KCND2: variants seen among roughly 807,000 people sequenced by gnomAD.
KCND2 encodes A-type voltage-gated potassium channel KCND2.
In KCND2, 16 loss-of-function variants were observed where a neutral mutation model predicts 54.4. That is an observed-to-expected ratio of 0.29 (90% CI 0.20 to 0.45). The LOEUF (loss-of-function observed/expected upper bound fraction) is 0.45. KCND2 is among the 20% of genes least tolerant of loss of function. KCND2 has a pLI of 1.00. For missense variants in KCND2, 486 were observed against 824.2 expected (o/e 0.59, Z 5.02); for synonymous variants, 317 against 310.7 (o/e 1.02, Z -0.21).
chr7:120,328,808 A>G (rs565892491), intron 1 of KCND2, among the ~76,000 whole-genome samples: 3 of 152,254 alleles, frequency 2.0e-5, no homozygotes, highest in African/African-American at 7.2e-5. Flanking sequence ...TTAGTTATAT[A>G]TTCTTGATTG....
chr7:120,431,076 A>C (rs1801782422), intron 1 of KCND2, among the ~76,000 whole-genome samples: 1 of 152,206 alleles, frequency 6.6e-6, no homozygotes, highest in South Asian at 2.1e-4. Flanking sequence ...TGCAGCTTTA[A>C]AACATCAGCT....
At chr7:120,489,127 A>G (rs1310179157) in intron 1 of KCND2, among the ~76,000 whole-genome samples, 1 of 152,090 alleles carries the variant, frequency 6.6e-6, no homozygotes, top group Non-Finnish European at 1.5e-5. Context: ...CCCATTCAGA[A>G]TAGTTTATAT....
intron 1 of KCND2, among the ~76,000 whole-genome samples, chr7:120,402,268 A>G (rs1047194250): frequency 3.0e-4 from 46 of 152,096 alleles, no homozygotes; most frequent in African/African-American, 1.1e-3. Flanking sequence ...GATGAAAGGA[A>G]CTTAAATTAA....
intron 4 of KCND2, among the ~76,000 whole-genome samples, chr7:120,744,357 C>T (rs1792979316): frequency 6.6e-6 from 1 of 151,978 alleles, no homozygotes; most frequent in South Asian, 2.1e-4. Flanking sequence ...TCAAAAATCA[C>T]TAACACCAAC....
chr7:120,605,697 T>G (rs775641926), intron 1 of KCND2, among the ~76,000 whole-genome samples: 5 of 152,198 alleles, frequency 3.3e-5, no homozygotes. Flanking sequence ...AATGTGTGAG[T>G]GTTCCATTTC....
In KCND2 at chr7:120,603,605, T is replaced by G. The variant is rs1178490824; in HGVS notation, c.1116-129298T>G. On this transcript the variant is annotated intron_variant, in intron 1 of 5. Coordinates refer to ENST00000331113, the MANE Select transcript of KCND2 (RefSeq NM_012281.3). ...TAAAGGTCAGCAATGAGATAGGCAT[T>G]GGATCAAATCCTAGCCCTACACTTA... is the stretch of plus-strand genomic sequence containing the variant. 2.6e-5 allele frequency among the ~76,000 whole-genome samples: 4 copies of G among 152,188 alleles called. No homozygotes were observed. The East Asian group carries it at 5.8e-4, about 22-fold the overall frequency.
At chr7:120,574,861 C>T (rs1036655784) in intron 1 of KCND2, among the ~76,000 whole-genome samples, 1 of 151,960 alleles carries the variant, frequency 6.6e-6, no homozygotes, top group African/African-American at 2.4e-5. Flanking sequence ...TGGTTTTCAG[C>T]TATTTTTACA....
chr7:120,455,917 A>T (rs978191085), intron 1 of KCND2, among the ~76,000 whole-genome samples: 4 of 152,198 alleles, frequency 2.6e-5, no homozygotes, highest in Admixed American at 2.6e-4. Flanking sequence ...TGTGACGTGC[A>T]GTTTACCTAT....
At chr7:120,612,145 G>T (rs1237543890) in intron 1 of KCND2, among the ~76,000 whole-genome samples, 4 of 149,226 alleles carry the variant, frequency 2.7e-5, no homozygotes, top group Non-Finnish European at 6.0e-5. Context: ...CAGATAGAGA[G>T]CTATTGCATC....
intron 1 of KCND2, among the ~76,000 whole-genome samples, chr7:120,536,863 T>A (rs940611684): frequency 2.6e-5 from 4 of 152,206 alleles, no homozygotes; most frequent in Non-Finnish European, 5.9e-5. Flanking sequence ...TTTAATTATT[T>A]TTGTCAGATC....
At chr7:120,323,183 T>C (rs1799918614) in intron 1 of KCND2, among the ~76,000 whole-genome samples, 1 of 152,116 alleles carries the variant, frequency 6.6e-6, no homozygotes, top group Admixed American at 6.6e-5. Flanking sequence ...TGTGTGATGT[T>C]CTCCTACCTG....
intron 1 of KCND2, among the ~76,000 whole-genome samples, chr7:120,427,140 G>A (rs1254128241): frequency 6.6e-6 from 1 of 152,146 alleles, no homozygotes; most frequent in Non-Finnish European, 1.5e-5. Flanking sequence ...CTTCCTTACA[G>A]TTTGTTTCAT....
intron 1 of KCND2, among the ~76,000 whole-genome samples, chr7:120,407,131 G>A (rs1027391341): frequency 2.0e-5 from 3 of 151,910 alleles, no homozygotes; most frequent in African/African-American, 7.2e-5. Flanking sequence ...GAAACTCCAA[G>A]AGGAAGACAG....
chr7:120,444,734 T>A (rs1180409548), intron 1 of KCND2, among the ~76,000 whole-genome samples: 1 of 152,154 alleles, frequency 6.6e-6, no homozygotes, highest in African/African-American at 2.4e-5. Context: ...TTCAACTTTT[T>A]AAGCAAATAT....
intron 1 of KCND2, among the ~76,000 whole-genome samples, chr7:120,528,937 T>C (rs1791810139): frequency 6.6e-6 from 1 of 152,212 alleles, no homozygotes; most frequent in Admixed American, 6.5e-5. Context: ...AGTTATTTTT[T>C]CTACTAGTAA....
At chr7:120,293,659 G>A (rs1034548532) in intron 1 of KCND2, among the ~76,000 whole-genome samples, 1 of 151,792 alleles carries the variant, frequency 6.6e-6, no homozygotes, top group Non-Finnish European at 1.5e-5. Context: ...TATCACAGAA[G>A]CTCTCACTTA....
At position 120,562,929 on chromosome 7, in the gene KCND2, A is replaced by G. The variant is rs569660186; in HGVS notation, c.1116-169974A>G. Among the ~76,000 whole-genome samples, 389 of 152,300 alleles carry G rather than the reference A, an allele frequency of 2.6e-3. 3 individuals carry two copies. Among genetic ancestry groups the G allele is most frequent in the African/African-American group, 9.0e-3 (376 of 41,588 alleles). The stretch of plus-strand genomic sequence containing the variant: ...AGCATATTTCATTAATAAATTATAT[A>G]AGGTAAAGTATTTTTTGAAAAGATA... On this transcript the variant is annotated intron_variant, in intron 1 of 5. Coordinates refer to ENST00000331113, the MANE Select transcript of KCND2 (RefSeq NM_012281.3).
chr7:120,618,014 G>T (rs1456435794), intron 1 of KCND2, among the ~76,000 whole-genome samples: 6 of 149,814 alleles, frequency 4.0e-5, no homozygotes, highest in Non-Finnish European at 7.4e-5. Context: ...TACTCAAACA[G>T]TGAGAGTAGG....
At chr7:120,582,748 T>A (rs1214829617) in intron 1 of KCND2, among the ~76,000 whole-genome samples, 1 of 152,172 alleles carries the variant, frequency 6.6e-6, no homozygotes, top group African/African-American at 2.4e-5. Flanking sequence ...TCTTCATCTC[T>A]TGGTCAGTTT....
Sources: gnomAD v4.1 joint callset for allele counts (sites outside exome capture counted in the v4.1 genomes callset) on GRCh38, gnomAD v4.1.1 for gene constraint, MANE v1.5 for transcripts, NCBI Gene and HGNC (gene_info 2026-07-23, HGNC 2026-07-21) for gene names.